The following ADGRL3 variants were observed in gnomAD, a reference collection of about 807,000 sequenced individuals.
The protein encoded by ADGRL3 is adhesion G protein-coupled receptor L3, also known as calcium-independent alpha-latrotoxin receptor 3.
In ADGRL3, 62 loss-of-function variants were observed where a neutral mutation model predicts 153.5. That is an observed-to-expected ratio of 0.40 (90% CI 0.33 to 0.50). ADGRL3 has a LOEUF of 0.50. Ranked by LOEUF, ADGRL3 falls within the 20% of genes least tolerant of loss-of-function variation. The probability of loss-of-function intolerance (pLI) is 0.47; values close to 1 mark genes in which losing one functional copy is unlikely to be tolerated. For missense variants in ADGRL3, 1,641 were observed against 1,859.4 expected (o/e 0.88, Z 2.16); for synonymous variants, 710 against 672.5 (o/e 1.06, Z -0.86).
intron 9 of ADGRL3, among the ~76,000 whole-genome samples, chr4:61,866,394 C>A (rs2098400409): frequency 6.6e-6 from 1 of 152,210 alleles, no homozygotes. Flanking sequence ...GCATGAGATA[C>A]TCTGCTCATT....
In ADGRL3 at chr4:61,396,592, A is replaced by G. The variant is rs549939442; in HGVS notation, c.-174+13403A>G. 7.9e-5 allele frequency among the ~76,000 whole-genome samples: 12 copies of G among 152,024 alleles called. No individual in the cohort carries two copies. In the East Asian group the frequency reaches 1.4e-3, roughly 17 times the overall value. ...TAAGGACTTTGACCTCTAACAACAT[A>G]TTTTACAGTGTAGGTCAAAATGATG... On this transcript the variant is annotated intron_variant, in intron 2 of 26. Coordinates refer to ENST00000683033, the MANE Select transcript of ADGRL3 (RefSeq NM_001387552.1).
chr4:61,885,207 T>G (rs570157345), intron 9 of ADGRL3, among the ~76,000 whole-genome samples: 19 of 152,100 alleles, frequency 1.2e-4, no homozygotes, highest in African/African-American at 4.3e-4. Context: ...CGCGCGCCTG[T>G]AATCCCAGCT....
chr4:61,786,593 C>T (rs989363734), intron 8 of ADGRL3, among the ~76,000 whole-genome samples: 16 of 152,212 alleles, frequency 1.1e-4, no homozygotes, highest in African/African-American at 3.9e-4. Context: ...GAGTATTACA[C>T]TTCCCATAGT....
intron 8 of ADGRL3, among the ~76,000 whole-genome samples, chr4:61,749,284 T>A (rs1415049299): frequency 6.6e-6 from 1 of 151,616 alleles, no homozygotes; most frequent in Non-Finnish European, 1.5e-5. Flanking sequence ...AGTTCAACCA[T>A]CGTGGAAGTC....
At chr4:61,951,551 G>C (rs570808254) in intron 17 of ADGRL3, among the ~76,000 whole-genome samples, 1 of 152,302 alleles carries the variant, frequency 6.6e-6, no homozygotes, top group East Asian at 1.9e-4. Context: ...GTGGATGATA[G>C]ATGTCAATTA....
intron 4 of ADGRL3, among the ~76,000 whole-genome samples, chr4:61,577,229 G>GA (rs1491460431): frequency 1.4e-5 from 2 of 139,248 alleles, no homozygotes; most frequent in Non-Finnish European, 3.1e-5. Context: ...ATGGGGGGGG[G>GA]ATGAGGGAGG....
chr4:61,744,639 C>A (rs140610174), intron 8 of ADGRL3, among the ~76,000 whole-genome samples: 1 of 152,170 alleles, frequency 6.6e-6, no homozygotes, highest in South Asian at 2.1e-4. Flanking sequence ...CTCCAACAGA[C>A]CTGCAGCTGA....
chr4:61,203,083 G>C (rs905313319), intron 1 of ADGRL3, among the ~76,000 whole-genome samples: 2 of 152,180 alleles, frequency 1.3e-5, no homozygotes, highest in Non-Finnish European at 2.9e-5. Flanking sequence ...TGCAGCGCTC[G>C]ATGCACCCCA....
intron 19 of ADGRL3, among the ~76,000 whole-genome samples, chr4:61,983,930 A>C (rs1219894640): frequency 6.6e-6 from 1 of 152,194 alleles, no homozygotes; most frequent in African/African-American, 2.4e-5. Flanking sequence ...ATTTGCTAGC[A>C]TAGGATGGTG....
chr4:61,856,557 GTCTCTCTCTCTCTT>G (rs2098267578), intron 9 of ADGRL3, among the ~76,000 whole-genome samples: 1 of 79,456 alleles, frequency 1.3e-5, no homozygotes. Flanking sequence ...CTCTCTCTCT[GTCTCTCTCTCTCTT>G]TCTCTCTCTC....
Position 62,010,269 on chromosome 4 carries a change from A to G in ADGRL3, c.3395+12004A>G, listed in dbSNP as rs141061434. 4.6e-5 allele frequency among the ~76,000 whole-genome samples: 7 copies of G among 152,200 alleles called. No homozygotes were observed. In the South Asian group the frequency reaches 8.3e-4, roughly 18 times the overall value. ...TTGGTCCTTCTGCGAACGAGGCCCCATGCTGAAGTTATCTAGCCTCCCGCC... is the reference window on the plus strand; with the variant it reads ...TTGGTCCTTCTGCGAACGAGGCCCCGTGCTGAAGTTATCTAGCCTCCCGCC... On this transcript the variant is annotated intron_variant, in intron 21 of 26. Transcript: ENST00000683033.
In ADGRL3 at chr4:62,007,356, TTATATATA is replaced by T. The variant is rs71666906; in HGVS notation, c.3395+9112_3395+9119del. The stretch of plus-strand genomic sequence containing the variant: ...AGCTCAGGGCAAGAGGACAAAATGA[TTATATATA>T]TATATATATATATATATATACACAC... On this transcript the variant is annotated intron_variant, in intron 21 of 26. Coordinates refer to ENST00000683033, the MANE Select transcript of ADGRL3 (RefSeq NM_001387552.1). 1.4e-3 allele frequency among the ~76,000 whole-genome samples: 42 copies of T among 30,918 alleles called. 1 individual carries two copies. The highest frequency in any genetic ancestry group is 4.2e-3 in the African/African-American group (34 of 8,098). The allele number at this position is 30,918 out of a possible 152,430, so 20.3% of individuals were successfully genotyped here.
chr4:61,733,088 C>A lies in ADGRL3; in HGVS notation c.933C>A (p.Ile311=), dbSNP rs757776696. The A allele has an allele frequency of 6.2e-7, 1 of 1,613,512 alleles. No individual in the cohort carries two copies. Among genetic ancestry groups the A allele is most frequent in the South Asian group, 1.1e-5 (1 of 91,042 alleles). The stretch of plus-strand genomic sequence containing the variant: ...CTAGGATAAAGAGTGGAGAGGCTAT[C>A]ATAGCAAATGCCAATTACCATGATA... ...LRTRIKSGEA[I]IANANYHDTS... is the part of the protein sequence containing the mutation. The change falls in exon 8 of 27, where the codon ATC becomes ATA. Residue 311 remains isoleucine (I), a synonymous_variant. Coordinates refer to ENST00000683033, the MANE Select transcript of ADGRL3 (RefSeq NM_001387552.1).
chr4:61,539,245 G>A (rs1191910985), intron 4 of ADGRL3, among the ~76,000 whole-genome samples: 1 of 152,238 alleles, frequency 6.6e-6, no homozygotes, highest in African/African-American at 2.4e-5. Context: ...AAAATGCACA[G>A]AGTGGCTGTC....
chr4:61,262,761 A>G (rs1281726100), intron 1 of ADGRL3, among the ~76,000 whole-genome samples: 2 of 152,102 alleles, frequency 1.3e-5, no homozygotes, highest in Non-Finnish European at 2.9e-5. Flanking sequence ...CAATTCTACC[A>G]ACTTACCACG....
intron 2 of ADGRL3, among the ~76,000 whole-genome samples, chr4:61,491,122 G>T (rs1238847249): frequency 1.3e-5 from 2 of 152,020 alleles, no homozygotes; most frequent in Non-Finnish European, 2.9e-5. Context: ...TTTCCTCTGG[G>T]TTAATTGTAT....
intron 11 of ADGRL3, among the ~76,000 whole-genome samples, chr4:61,898,434 C>G (rs1047476104): frequency 1.3e-5 from 2 of 152,032 alleles, no homozygotes; most frequent in South Asian, 2.1e-4. Context: ...GAGAACAACT[C>G]TCTCTCTTGT....
At chr4:61,592,115 TTTCTGAAAAG>T (rs958642094) in intron 5 of ADGRL3, among the ~76,000 whole-genome samples, 7 of 151,844 alleles carry the variant, frequency 4.6e-5, no homozygotes, top group Non-Finnish European at 1.0e-4. Flanking sequence ...GTTCCCCATC[TTTCTGAAAAG>T]TTAGTTTTCA....
intron 2 of ADGRL3, among the ~76,000 whole-genome samples, chr4:61,406,756 A>G (rs1234846759): frequency 1.3e-5 from 2 of 152,010 alleles, no homozygotes; most frequent in Non-Finnish European, 2.9e-5. Context: ...TTGTACAAGA[A>G]AAATATTCTG....
Sources: gnomAD v4.1 joint callset for allele counts (sites outside exome capture counted in the v4.1 genomes callset) on GRCh38, gnomAD v4.1.1 for gene constraint, MANE v1.5 for transcripts, NCBI Gene and HGNC (gene_info 2026-07-23, HGNC 2026-07-21) for gene names.